The following TMEM132B variants were observed in gnomAD, a reference collection of about 807,000 sequenced individuals.
TMEM132B encodes the protein transmembrane protein 132B.
TMEM132B carries 18 observed loss-of-function variants against 90.8 expected under a neutral mutation model. The observed-to-expected ratio is 0.20, with a 90% confidence interval of 0.14 to 0.29. The LOEUF (loss-of-function observed/expected upper bound fraction) is 0.29. Among genes scored for constraint, TMEM132B ranks in the 10% least tolerant of loss-of-function variants. The probability of loss-of-function intolerance (pLI) is 1.00; values close to 1 mark genes in which losing one functional copy is unlikely to be tolerated. For synonymous variants in TMEM132B, 504 were observed against 523.3 expected (o/e 0.96, Z 0.50); for missense variants, 1,096 against 1,326.8 (o/e 0.83, Z 2.70).
At chr12:125,472,796 C>T (rs1881756857) in intron 3 of TMEM132B, among the ~76,000 whole-genome samples, 1 of 152,124 alleles carries the variant, frequency 6.6e-6, no homozygotes. Context: ...TCTACTGGTG[C>T]CTTGATCTTG....
intron 3 of TMEM132B, 124 bp from the exon 4 acceptor site, chr12:125,519,315 G>A: frequency 1.0e-6 from 1 of 991,686 alleles, no homozygotes; most frequent in East Asian, 2.5e-5. Context: ...ACTGCCGTGT[G>A]AGTTGTTGAA....
chr12:125,274,680 A>G (rs1874940124), intron 1 of TMEM132B, among the ~76,000 whole-genome samples: 1 of 152,232 alleles, frequency 6.6e-6, no homozygotes. Context: ...TCGCGGTAAT[A>G]CAGCTGACAT....
chr12:125,502,355 C>T (rs1034282651), intron 3 of TMEM132B, among the ~76,000 whole-genome samples: 1 of 152,220 alleles, frequency 6.6e-6, no homozygotes, highest in African/African-American at 2.4e-5. Context: ...ATTTCTCACT[C>T]AAAATATGAG....
At chr12:125,282,991 G>C (rs932172591) in intron 1 of TMEM132B, among the ~76,000 whole-genome samples, 1 of 152,166 alleles carries the variant, frequency 6.6e-6, no homozygotes, top group Non-Finnish European at 1.5e-5. Context: ...CTTGGTGCAG[G>C]AGAAAGCGGG....
intron 3 of TMEM132B, among the ~76,000 whole-genome samples, chr12:125,433,261 G>A (rs1374157353): frequency 6.6e-6 from 1 of 152,178 alleles, no homozygotes; most frequent in African/African-American, 2.4e-5. Context: ...AATGAGTGAA[G>A]CTTCCCTAGA....
intron 4 of TMEM132B, among the ~76,000 whole-genome samples, chr12:125,530,285 A>G (rs1199486667): frequency 6.8e-6 from 1 of 146,876 alleles, no homozygotes; most frequent in Non-Finnish European, 1.5e-5. Context: ...GGTTGCTTCC[A>G]TTTCTTTTCT....
intron 1 of TMEM132B, among the ~76,000 whole-genome samples, chr12:125,314,392 T>C (rs959235161): frequency 5.3e-5 from 8 of 152,208 alleles, no homozygotes; most frequent in Non-Finnish European, 1.0e-4. Context: ...TTTCTTTCCT[T>C]CTTGCTCAGA....
intron 1 of TMEM132B, among the ~76,000 whole-genome samples, chr12:125,263,646 C>CA (rs1874619801): frequency 1.3e-5 from 2 of 152,166 alleles, no homozygotes; most frequent in Non-Finnish European, 2.9e-5. Flanking sequence ...TGAAGTGTTT[C>CA]AAAAATTTTT....
intron 3 of TMEM132B, among the ~76,000 whole-genome samples, chr12:125,512,964 T>C (rs370934359): frequency 2.8e-4 from 42 of 152,354 alleles, no homozygotes; most frequent in African/African-American, 9.9e-4. Flanking sequence ...TGGTGGGGAC[T>C]CAGGGAGTGG....
At position 125,610,522 on chromosome 12, in the gene TMEM132B, A is replaced by T. The variant is rs1593020742; in HGVS notation, c.1437+26528A>T. 2.0e-5 allele frequency among the ~76,000 whole-genome samples: 3 copies of T among 151,894 alleles called. No individual in the cohort carries two copies. The East Asian group carries it at 5.8e-4, about 29-fold the overall frequency. On this transcript the variant is annotated intron_variant, in intron 5 of 8. Coordinates refer to ENST00000682704, the MANE Select transcript of TMEM132B (RefSeq NM_001366854.1). ...AGTTGATCATGTGTTTTTGTTCTTT[A>T]TTGATATGCTCATTTTGCTAATTGA... is the stretch of plus-strand genomic sequence containing the variant.
chr12:125,590,925 G>T (rs574662647), intron 5 of TMEM132B, among the ~76,000 whole-genome samples: 1 of 152,300 alleles, frequency 6.6e-6, no homozygotes, highest in East Asian at 1.9e-4. Flanking sequence ...CCACCTAGGA[G>T]GTCAGCCCCA....
At chr12:125,476,531 T>C (rs78647985) in intron 3 of TMEM132B, among the ~76,000 whole-genome samples, 1 of 152,358 alleles carries the variant, frequency 6.6e-6, no homozygotes, top group African/African-American at 2.4e-5. Context: ...TGTTTATCCA[T>C]TACTGTATCA....
At chr12:125,329,469 C>T (rs1876698514) in intron 1 of TMEM132B, among the ~76,000 whole-genome samples, 2 of 152,192 alleles carry the variant, frequency 1.3e-5, no homozygotes, top group Admixed American at 1.3e-4. Context: ...AGGCAAGAGG[C>T]AGGCTGACTT....
intron 3 of TMEM132B, among the ~76,000 whole-genome samples, chr12:125,423,110 A>C (rs1010521207): frequency 1.2e-4 from 19 of 152,288 alleles, no homozygotes; most frequent in African/African-American, 4.6e-4. Flanking sequence ...TTTGAAGAAA[A>C]GTCTCCAGGT....
Position 125,458,134 on chromosome 12 carries a change from AG to A in TMEM132B, c.1106+42458del, listed in dbSNP as rs1377581546. Among the ~76,000 whole-genome samples, 1 of 152,064 alleles carries A rather than the reference AG, an allele frequency of 6.6e-6. No individual in the cohort carries two copies. The highest frequency in any genetic ancestry group is 2.4e-5 in the African/African-American group (1 of 41,396). Reference sequence around the variant, plus strand: ...TCCAGAGACAGGTCTGGCTAGAACCAGCAGGACTCAGGGACAGAATCTGTGT... The same window carrying A: ...TCCAGAGACAGGTCTGGCTAGAACCACAGGACTCAGGGACAGAATCTGTGT... On this transcript the variant is annotated intron_variant, in intron 3 of 8. Coordinates refer to ENST00000682704, the MANE Select transcript of TMEM132B (RefSeq NM_001366854.1). The surrounding 1 kb of genome is among the most constrained non-coding windows in gnomAD (Gnocchi z 4.9).
chr12:125,232,709 C>T (rs1873854359), intron 1 of TMEM132B, among the ~76,000 whole-genome samples: 4 of 152,172 alleles, frequency 2.6e-5, no homozygotes, highest in Admixed American at 6.5e-5. Flanking sequence ...AAGTAGCTCT[C>T]ATGTTTTTCC....
intron 1 of TMEM132B, among the ~76,000 whole-genome samples, chr12:125,253,154 T>A (rs1176044722): frequency 6.6e-6 from 1 of 151,984 alleles, no homozygotes; most frequent in East Asian, 1.9e-4. Context: ...TCTGACCCCC[T>A]CCTCCCCACA....
At chr12:125,270,042 AC>A (rs1874792090) in intron 1 of TMEM132B, among the ~76,000 whole-genome samples, 2 of 151,598 alleles carry the variant, frequency 1.3e-5, no homozygotes, top group African/African-American at 2.4e-5. Context: ...AAAAAAAAAA[AC>A]GCTACACTTC....
chr12:125,526,711 G>T (rs914970230), intron 4 of TMEM132B, among the ~76,000 whole-genome samples: 1 of 152,146 alleles, frequency 6.6e-6, no homozygotes, highest in Non-Finnish European at 1.5e-5. Context: ...CACAGCTTTT[G>T]GGAGAATGCC....
Sources: gnomAD v4.1 joint callset for allele counts (sites outside exome capture counted in the v4.1 genomes callset) on GRCh38, gnomAD v4.1.1 for gene constraint, Gnocchi (gnomAD v3.1) non-coding constraint, MANE v1.5 for transcripts, NCBI Gene and HGNC (gene_info 2026-07-23, HGNC 2026-07-21) for gene names.